Variants in ACSS3 observed in about 807,000 individuals in gnomAD.
ACSS3 encodes acyl-CoA synthetase short-chain family member 3, mitochondrial.
ACSS3 carries 64 observed loss-of-function variants against 84.2 expected under a neutral mutation model. The observed-to-expected ratio is 0.76, with a 90% CI of 0.62 to 0.94. The LOEUF (loss-of-function observed/expected upper bound fraction) is 0.94. Among genes scored for constraint, ACSS3 ranks in the 40% least tolerant of loss-of-function variants. The pLI is 0.00. For missense variants in ACSS3, 815 were observed against 867.6 expected (o/e 0.94, Z 0.76); for synonymous variants, 317 against 310.1 (o/e 1.02, Z -0.23).
Position 81,109,690 on chromosome 12 carries a change from GA to G in ACSS3, c.444del (p.Val149PhefsTer29). On this transcript the variant is annotated frameshift_variant, in exon 2 of 16. Coordinates refer to ENST00000548058, the MANE Select transcript of ACSS3 (RefSeq NM_024560.4). LOFTEE classifies it high-confidence loss of function. The part of the protein sequence containing the change: ...TNTKATFTYK[E>X]VLEQVSKLAG... ...CACTAAAGCAACCTTTACCTATAAA[GA>G]AGTTCTGGAGCAGGTAATATCATAA... The G allele has an allele frequency of 6.2e-7, 1 of 1,600,136 alleles. No individual in the cohort carries two copies. Among genetic ancestry groups the G allele is most frequent in the Non-Finnish European group, 8.5e-7 (1 of 1,174,958 alleles).
chr12:81,096,089 G>C (rs1030938767), intron 1 of ACSS3, among the ~76,000 whole-genome samples: 2 of 152,206 alleles, frequency 1.3e-5, no homozygotes, highest in African/African-American at 4.8e-5. Context: ...GGATATCACT[G>C]TGTGAATAAA....
At chr12:81,161,749 G>T (rs761341615) in intron 7 of ACSS3, among the ~76,000 whole-genome samples, 1 of 152,116 alleles carries the variant, frequency 6.6e-6, no homozygotes, top group Non-Finnish European at 1.5e-5. Flanking sequence ...TGTCCTACTG[G>T]CCTGGATCCC....
Position 81,253,648 on chromosome 12 carries a change from T to A in ACSS3, c.1973T>A (p.Ile658Asn), listed in dbSNP as rs1274737361. The A allele has an allele frequency of 6.2e-7, 1 of 1,613,740 alleles. No homozygotes were observed. Residue 658 changes from isoleucine to asparagine, a missense_variant, in exon 15 of 16, where the codon ATT (isoleucine) becomes AAT (asparagine). Ile to Asn is a moderately radical substitution (Grantham distance 149). Transcript: ENST00000548058. ...ATCCCCCGATCAGCTTTATCTGCCA[T>A]TGTCAATGGCAAGCCATACAAGGTA... ...GKIPRSALSAIVNGKPYKITS... is the reference protein window; with the variant it reads ...GKIPRSALSANVNGKPYKITS...
At chr12:81,177,818 G>A (rs879190723) in intron 8 of ACSS3, among the ~76,000 whole-genome samples, 1 of 152,122 alleles carries the variant, frequency 6.6e-6, no homozygotes, top group Non-Finnish European at 1.5e-5. Flanking sequence ...GAAACAACAG[G>A]TGCTGGAGAG....
intron 3 of ACSS3, among the ~76,000 whole-genome samples, chr12:81,137,211 C>A (rs1368795603): frequency 6.6e-6 from 1 of 150,510 alleles, no homozygotes; most frequent in Admixed American, 6.6e-5. Context: ...CAGTCACTGA[C>A]CTGCAAAAGA....
chr12:81,109,829 T>C, intron 2 of ACSS3, 125 bp downstream of exon 2: 1 of 800,772 alleles, frequency 1.2e-6, no homozygotes, highest in Non-Finnish European at 1.8e-6. Flanking sequence ...GCTTTTCTTT[T>C]GATACACATT....
intron 9 of ACSS3, among the ~76,000 whole-genome samples, chr12:81,200,894 A>AG (rs2032071807): frequency 6.6e-6 from 1 of 151,276 alleles, no homozygotes; most frequent in African/African-American, 2.4e-5. Flanking sequence ...ACTGTCAAAA[A>AG]AAAAAAAAAA....
chr12:81,201,329 T>G, intron 9 of ACSS3, among the ~76,000 whole-genome samples: 1 of 152,230 alleles, frequency 6.6e-6, no homozygotes, highest in East Asian at 1.9e-4. Context: ...CACACAAACG[T>G]GACCCGACAC....
intron 1 of ACSS3, among the ~76,000 whole-genome samples, chr12:81,088,901 A>G (rs11612379): frequency 0.38 from 58,132 of 151,880 alleles, 14,190 homozygotes; most frequent in Non-Finnish European, 0.55. Flanking sequence ...GGAATAAAAA[A>G]TAGCTGTTCT....
Position 81,143,222 on chromosome 12 carries a change from C to T in ACSS3, c.896C>T (p.Thr299Ile). Residue 299 changes from threonine to isoleucine, a missense_variant, in exon 5 of 16, where the codon ACA becomes ATA. By Grantham distance (89) the Thr-to-Ile change is moderately conservative. Transcript: ENST00000548058. ...GAACACCCACTGTATATTCTTTACA[C>T]ATCTGGCACAACGGGGTTACCTAAG... ...LSEHPLYILY[T>I]SGTTGLPKGV... 6.2e-7 allele frequency: 1 copy of T among 1,603,498 alleles called. No homozygotes were observed. The highest frequency in any genetic ancestry group is 8.5e-7 in the Non-Finnish European group (1 of 1,172,946).
At chr12:81,093,784 A>T (rs758836906) in intron 1 of ACSS3, among the ~76,000 whole-genome samples, 7 of 152,136 alleles carry the variant, frequency 4.6e-5, no homozygotes, top group Admixed American at 6.6e-5. Context: ...TCTTATTCAG[A>T]TTCACCAGTT....
intron 7 of ACSS3, among the ~76,000 whole-genome samples, chr12:81,172,547 A>T (rs1026701763): frequency 6.6e-6 from 1 of 151,940 alleles, no homozygotes; most frequent in African/African-American, 2.4e-5. Context: ...GAGGCAGGAG[A>T]ATTGCTTCAA....
At chr12:81,185,122 A>G (rs1428525127) in intron 8 of ACSS3, among the ~76,000 whole-genome samples, 1 of 151,824 alleles carries the variant, frequency 6.6e-6, no homozygotes, top group Admixed American at 6.6e-5. Context: ...GATCATCATA[A>G]TTAACATAAA....
intron 11 of ACSS3, among the ~76,000 whole-genome samples, chr12:81,225,078 G>A (rs1171592323): frequency 6.6e-6 from 1 of 151,200 alleles, no homozygotes; most frequent in African/African-American, 2.4e-5. Flanking sequence ...TTATATGTAG[G>A]GTTCAGTACT....
intron 9 of ACSS3, among the ~76,000 whole-genome samples, chr12:81,216,511 A>G (rs2032921726): frequency 6.6e-6 from 1 of 152,190 alleles, no homozygotes; most frequent in African/African-American, 2.4e-5. Flanking sequence ...GATAAACGAA[A>G]TAACTTTAGG....
At chr12:81,195,874 T>C (rs1329789031) in intron 8 of ACSS3, among the ~76,000 whole-genome samples, 1 of 152,126 alleles carries the variant, frequency 6.6e-6, no homozygotes, top group Non-Finnish European at 1.5e-5. Context: ...GAACTGCTCC[T>C]AGATAATTTT....
chr12:81,213,691 TGCTGCCCTCCTCTCCCCTCC>T lies in ACSS3; in HGVS notation c.1355-3206_1355-3187del, dbSNP rs1256116123. ...CTCCCCTTCCCTCCCCACCCACCTC[TGCTGCCCTCCTCTCCCCTCC>T]GCTCCCCTCCGCTCCCCTCCGCTCC... On this transcript the variant is annotated intron_variant, in intron 9 of 15. Coordinates refer to ENST00000548058, the MANE Select transcript of ACSS3 (RefSeq NM_024560.4). Among the ~76,000 whole-genome samples the T allele has an allele frequency of 1.5e-3, 59 of 38,204 alleles. 1 individual carries two copies. Among genetic ancestry groups the T allele is most frequent in the African/African-American group, 2.0e-3 (19 of 9,482 alleles). The allele number at this position is 38,204 out of a possible 152,430, so 25.1% of individuals were successfully genotyped here. A position where few individuals can be genotyped will look rare whatever the true frequency, so the allele number is the denominator to read the frequency against.
chr12:81,192,353 C>T (rs559238460), intron 8 of ACSS3, among the ~76,000 whole-genome samples: 1 of 152,190 alleles, frequency 6.6e-6, no homozygotes, highest in East Asian at 1.9e-4. Flanking sequence ...GCACTGCAGC[C>T]CGGGCGACAG....
chr12:81,212,220 G>A (rs1284786343), intron 9 of ACSS3, among the ~76,000 whole-genome samples: 1 of 152,122 alleles, frequency 6.6e-6, no homozygotes, highest in African/African-American at 2.4e-5. Context: ...TATCTCCCCA[G>A]TTAGAAATTG....
Sources: allele counts gnomAD v4.1 joint callset (sites outside exome capture counted in the v4.1 genomes callset), GRCh38; gene constraint gnomAD v4.1.1; transcripts MANE v1.5; gene names NCBI Gene and HGNC (gene_info 2026-07-23, HGNC 2026-07-21).